The following PSMD13 variants were observed in gnomAD, a reference collection of about 807,000 sequenced individuals.
PSMD13 encodes proteasome 26S subunit, non-ATPase 13.
In PSMD13, 8 loss-of-function variants were observed where a neutral mutation model predicts 57.4. The ratio of observed to expected loss-of-function variants is 0.14; its 90% CI spans 0.08 to 0.25. PSMD13 has a LOEUF of 0.25. PSMD13 is among the 10% of genes least tolerant of loss of function. PSMD13 has a pLI of 1.00. For synonymous variants in PSMD13, 193 were observed against 168.2 expected (o/e 1.15, Z -1.14); for missense variants, 400 against 461.5 (o/e 0.87, Z 1.22).
At chr11:241,919 G>A (rs1026219478) in intron 2 of PSMD13, among the ~76,000 whole-genome samples, 3 of 151,698 alleles carry the variant, frequency 2.0e-5, no homozygotes, top group Non-Finnish European at 4.4e-5. Context: ...CCTAGTCTGT[G>A]TCCCTCAGAA....
chr11:240,249 A>G (rs1859487710), intron 2 of PSMD13, among the ~76,000 whole-genome samples: 1 of 151,688 alleles, frequency 6.6e-6, no homozygotes, highest in Admixed American at 6.6e-5. Context: ...AGCTGGGATT[A>G]CAGGTGCCCA....
Position 251,272 on chromosome 11 carries a change from C to G in PSMD13, c.838-274C>G, listed in dbSNP as rs1404190152. 3 of 488,488 alleles carry G rather than the reference C, an allele frequency of 6.1e-6. No individual in the cohort carries two copies. Among genetic ancestry groups the G allele is most frequent in the Non-Finnish European group, 7.3e-6 (2 of 273,818 alleles). The allele number at this position is 488,488 out of a possible 1,614,324, so 30.3% of individuals were successfully genotyped here. The stretch of plus-strand genomic sequence containing the variant: ...CTGGTTTGCCGTGGTCACCCCTGGT[C>G]AACCCTGGCAAATTGTGGCCTCAAG... On this transcript the variant is annotated intron_variant, in intron 10 of 12. Transcript: ENST00000532097. This position sits in a 1 kb window ranked among gnomAD's most constrained non-coding sequence, Gnocchi z 4.6.
At chr11:238,319 G>A (rs1054938544) in intron 1 of PSMD13, among the ~76,000 whole-genome samples, 1 of 152,172 alleles carries the variant, frequency 6.6e-6, no homozygotes, top group South Asian at 2.1e-4. Flanking sequence ...AACCCTTTGA[G>A]TTAATCTAGA....
Position 239,058 on chromosome 11 carries a change from A to C in PSMD13, c.156A>C (p.Gln52His). The C allele has an allele frequency of 6.2e-7, 1 of 1,614,048 alleles. No individual in the cohort carries two copies. Among genetic ancestry groups the C allele is most frequent in the Non-Finnish European group, 8.5e-7 (1 of 1,179,910 alleles). The change falls in exon 2 of 13, where the codon CAA becomes CAC. Residue 52 changes from glutamine to histidine, a missense_variant. Transcript: ENST00000532097. Reference protein sequence around the residue: ...LDFVQDPCFAQGDGLIKLYEN... With the variant: ...LDFVQDPCFAHGDGLIKLYEN... ...TTGTGCAGGATCCGTGCTTTGCCCA[A>C]GGAGATGGTCTCATTAAGGTAAATA... is the stretch of plus-strand genomic sequence containing the variant.
Position 251,990 on chromosome 11 carries a change from TA to T in PSMD13, c.1035+55del. On this transcript the variant is annotated intron_variant, in intron 12 of 12. Coordinates refer to ENST00000532097, the MANE Select transcript of PSMD13 (RefSeq NM_002817.4). This position sits in a 1 kb window ranked among gnomAD's most constrained non-coding sequence, Gnocchi z 4.6. ...TCTGTGGATTTTGAGGGGTTGTGTC[TA>T]TACCGTCTTAGTTTCATTTGGATGG... The T allele has an allele frequency of 6.7e-7, 1 of 1,496,792 alleles. No homozygotes were observed. The highest frequency in any genetic ancestry group is 9.2e-7 in the Non-Finnish European group (1 of 1,082,480). 92.7% of individuals were successfully genotyped at this position (1,496,792 alleles called of 1,614,324 possible). A position where few individuals can be genotyped will look rare whatever the true frequency, so the allele number is the denominator to read the frequency against.
At position 248,962 on chromosome 11, in the gene PSMD13, A is replaced by T. The variant is rs762892449; in HGVS notation, c.679A>T (p.Asn227Tyr). Residue 227 changes from asparagine (N) to tyrosine (Y), a missense_variant, in exon 9 of 13, where the codon AAT (asparagine) becomes TAT (tyrosine). Transcript: ENST00000532097. ...GCACCCTGTGCTGGAGTCCCTGAGGAATACTGACCGGCAGTGGCTGATTGA... is the reference window on the plus strand; with the variant it reads ...GCACCCTGTGCTGGAGTCCCTGAGGTATACTGACCGGCAGTGGCTGATTGA... ...LMHPVLESLRNTDRQWLIDTL... is the reference protein window; with the variant it reads ...LMHPVLESLRYTDRQWLIDTL... The T allele has an allele frequency of 1.9e-6, 3 of 1,614,094 alleles. No individual in the cohort carries two copies. The East Asian group carries it at 6.7e-5, about 36-fold the overall frequency.
chr11:239,103 A>C, intron 2 of PSMD13, 27 bp downstream of exon 2: 2 of 1,570,530 alleles, frequency 1.3e-6, no homozygotes, highest in Middle Eastern at 3.3e-4. Flanking sequence ...ACCAGATTAG[A>C]TTATATGAAT....
intron 2 of PSMD13, among the ~76,000 whole-genome samples, chr11:241,607 G>A (rs958812311): frequency 6.6e-6 from 1 of 152,122 alleles, no homozygotes; most frequent in Non-Finnish European, 1.5e-5. Flanking sequence ...GCCCACACTA[G>A]GCGCTCTTGG....
chr11:242,391 G>T (rs1296175518), intron 2 of PSMD13, among the ~76,000 whole-genome samples: 1 of 150,588 alleles, frequency 6.6e-6, no homozygotes, highest in African/African-American at 2.4e-5. Flanking sequence ...TTCTCTTTTT[G>T]TTTTAAATTT....
In PSMD13 at chr11:251,738, GC is replaced by G; in HGVS notation, c.919-81del. On this transcript the variant is annotated intron_variant, in intron 11 of 12. Coordinates refer to ENST00000532097, the MANE Select transcript of PSMD13 (RefSeq NM_002817.4). The surrounding 1 kb of genome is among the most constrained non-coding windows in gnomAD (Gnocchi z 4.6). The stretch of plus-strand genomic sequence containing the variant: ...ACAGTAAAAAATGACGGGAGGAGCG[GC>G]ATCTGCTTCTCACAAGCCATCTGGG... The G allele has an allele frequency of 6.5e-7, 1 of 1,533,062 alleles. No individual in the cohort carries two copies. The highest frequency in any genetic ancestry group is 9.0e-7 in the Non-Finnish European group (1 of 1,110,936). 95.0% of individuals were successfully genotyped at this position (1,533,062 alleles called of 1,614,324 possible). A position where few individuals can be genotyped will look rare whatever the true frequency, so the allele number is the denominator to read the frequency against.
In PSMD13 at chr11:236,987, G is replaced by C; in HGVS notation, c.-63G>C. 7.1e-7 allele frequency: 1 copy of C among 1,406,408 alleles called. No homozygotes were observed. The highest frequency in any genetic ancestry group is 1.0e-6 in the Non-Finnish European group (1 of 1,000,168). The allele number at this position is 1,406,408 out of a possible 1,614,324, so 87.1% of individuals were successfully genotyped here. On this transcript the variant is annotated 5_prime_UTR_variant, in exon 1 of 13. Coordinates refer to ENST00000532097, the MANE Select transcript of PSMD13 (RefSeq NM_002817.4). ...CGCCGGAAGTGAGTGAGCATTTCCG[G>C]CAGCCATCCCCGCGGTGCTGACATC...
At chr11:243,614 G>C in intron 2 of PSMD13, 1 of 373,104 alleles carries the variant, frequency 2.7e-6, no homozygotes, top group Non-Finnish European at 5.2e-6. Flanking sequence ...GTCCTGGTAG[G>C]CTGGGGACCA....
intron 6 of PSMD13, among the ~76,000 whole-genome samples, chr11:246,172 G>C (rs1402742487): frequency 6.6e-6 from 1 of 152,162 alleles, no homozygotes; most frequent in African/African-American, 2.4e-5. Context: ...GTATTTCATT[G>C]TATAAGTGTT....
At chr11:241,864 C>G (rs1430589340) in intron 2 of PSMD13, among the ~76,000 whole-genome samples, 3 of 152,208 alleles carry the variant, frequency 2.0e-5, no homozygotes, top group African/African-American at 7.2e-5. Flanking sequence ...TGTGTGTCCT[C>G]TGGTTCGGCC....
chr11:250,820 T>C lies in PSMD13; in HGVS notation c.792T>C (p.Asn264=), dbSNP rs372280734. Residue 264 remains asparagine (N), a synonymous_variant, in exon 10 of 13, where the codon AAT becomes AAC. Transcript: ENST00000532097. The part of the protein sequence containing the change: ...AWGQQPDLAA[N]EAQLLRKIQL... Reference sequence around the variant, plus strand: ...CTTTACAGCCTGATTTAGCAGCTAATGAAGCCCAGCTTCTGAGGAAAATTC... The same window carrying C: ...CTTTACAGCCTGATTTAGCAGCTAACGAAGCCCAGCTTCTGAGGAAAATTC... 6.2e-7 allele frequency: 1 copy of C among 1,614,078 alleles called. No individual in the cohort carries two copies. Among genetic ancestry groups the C allele is most frequent in the South Asian group, 1.1e-5 (1 of 91,088 alleles).
At chr11:246,375 G>A (rs1331671541) in intron 6 of PSMD13, among the ~76,000 whole-genome samples, 1 of 151,990 alleles carries the variant, frequency 6.6e-6, no homozygotes, top group African/African-American at 2.4e-5. Flanking sequence ...GGTGGCGGGC[G>A]CCTGTAGTCC....
At position 251,395 on chromosome 11, in the gene PSMD13, C is replaced by G; in HGVS notation, c.838-151C>G. Reference sequence around the variant, plus strand: ...CTAAGCATTAAAAGCTTGTTCTTAACAAGATATATGTCTAATATTAGGAAA... The same window carrying G: ...CTAAGCATTAAAAGCTTGTTCTTAAGAAGATATATGTCTAATATTAGGAAA... On this transcript the variant is annotated intron_variant, in intron 10 of 12. Coordinates refer to ENST00000532097, the MANE Select transcript of PSMD13 (RefSeq NM_002817.4). The surrounding 1 kb of genome is among the most constrained non-coding windows in gnomAD (Gnocchi z 4.6). The G allele has an allele frequency of 1.5e-6, 1 of 666,746 alleles. No individual in the cohort carries two copies. Among genetic ancestry groups the G allele is most frequent in the South Asian group, 2.1e-5 (1 of 48,614 alleles). 41.3% of individuals were successfully genotyped at this position (666,746 alleles called of 1,614,324 possible). A position where few individuals can be genotyped will look rare whatever the true frequency, so the allele number is the denominator to read the frequency against.
At position 252,534 on chromosome 11, in the gene PSMD13, C is replaced by G; in HGVS notation, c.1065C>G (p.Phe355Leu). Residue 355 changes from phenylalanine (F) to leucine (L), a missense_variant, in exon 13 of 13, where the codon TTC becomes TTG. Transcript: ENST00000532097. The surrounding 1 kb of genome is among the most constrained non-coding windows in gnomAD (Gnocchi z 4.1). ...AGGGAATGAAGGACCGCCTGGAGTT[C>G]TGGTGCACGGATGTGAAGAGCATGG... ...QIKGMKDRLE[F>L]WCTDVKSMEM... 1.2e-6 allele frequency: 2 copies of G among 1,614,110 alleles called. No homozygotes were observed. Among genetic ancestry groups the G allele is most frequent in the Non-Finnish European group, 1.7e-6 (2 of 1,179,966 alleles).
At position 247,341 on chromosome 11, in the gene PSMD13, G is replaced by T. The variant is rs370025144; in HGVS notation, c.461G>T (p.Arg154Leu). The T allele has an allele frequency of 5.0e-6, 8 of 1,614,102 alleles. No homozygotes were observed. In the East Asian group the frequency reaches 1.8e-4, roughly 36 times the overall value. Residue 154 changes from arginine to leucine, a missense_variant, in exon 7 of 13, where the codon CGT (arginine) becomes CTT (leucine). Arg to Leu is a moderately radical substitution (Grantham distance 102). Coordinates refer to ENST00000532097, the MANE Select transcript of PSMD13 (RefSeq NM_002817.4). ...CCTGGTGTGACATCGGTTCACAGTCGTTTCTATGATCTCTCCAGTAAATAC... is the reference window on the plus strand; with the variant it reads ...CCTGGTGTGACATCGGTTCACAGTCTTTTCTATGATCTCTCCAGTAAATAC... ...NLPGVTSVHS[R>L]FYDLSSKYYQ...
Sources: gnomAD v4.1 joint callset for allele counts (sites outside exome capture counted in the v4.1 genomes callset) on GRCh38, gnomAD v4.1.1 for gene constraint, Gnocchi (gnomAD v3.1) non-coding constraint, MANE v1.5 for transcripts, NCBI Gene and HGNC (gene_info 2026-07-23, HGNC 2026-07-21) for gene names.